UBE3B: variants seen among roughly 807,000 people sequenced by gnomAD.
The protein encoded by UBE3B is ubiquitin protein ligase E3B.
UBE3B carries 80 observed loss-of-function variants against 132.3 expected under a neutral mutation model. The observed-to-expected ratio is 0.60, with a 90% CI of 0.50 to 0.73. The LOEUF (loss-of-function observed/expected upper bound fraction) is 0.73. Among genes scored for constraint, UBE3B ranks in the 30% least tolerant of loss-of-function variants. The pLI is 0.00. For missense variants in UBE3B, 1,196 were observed against 1,362.5 expected (o/e 0.88, Z 1.92); for synonymous variants, 487 against 520.4 (o/e 0.94, Z 0.87).
At chr12:109,487,044 C>T (rs1876622248) in intron 6 of UBE3B, among the ~76,000 whole-genome samples, 2 of 152,150 alleles carry the variant, frequency 1.3e-5, no homozygotes, top group Admixed American at 1.3e-4. Flanking sequence ...ATCCCTGCTC[C>T]CTTTTGGGGT....
chr12:109,505,986 C>T (rs907499485), intron 14 of UBE3B, among the ~76,000 whole-genome samples: 2 of 152,232 alleles, frequency 1.3e-5, no homozygotes, highest in South Asian at 4.1e-4. Context: ...TCAGATCCAG[C>T]CTTTCTAAGT....
At chr12:109,539,459 G>T (rs1038444097), downstream of UBE3B, among the ~76,000 whole-genome samples, 7 of 152,206 alleles carry the variant, frequency 4.6e-5, no homozygotes, top group Non-Finnish European at 7.3e-5. Flanking sequence ...CTGCCGCTGG[G>T]TGCAAACCCC....
chr12:109,528,302 C>T (rs1882575309), intron 24 of UBE3B: 1 of 983,822 alleles, frequency 1.0e-6, no homozygotes, highest in Non-Finnish European at 1.2e-6. Context: ...CTCACCTCCT[C>T]CCTTCCTCTC....
intron 9 of UBE3B, among the ~76,000 whole-genome samples, chr12:109,492,924 C>T (rs1877683054): frequency 6.6e-6 from 1 of 152,154 alleles, no homozygotes; most frequent in Non-Finnish European, 1.5e-5. Flanking sequence ...ACTTAGAGCA[C>T]ATCTGAATTT....
In UBE3B at chr12:109,521,124, G is replaced by A; in HGVS notation, c.2077-24G>A. Reference sequence around the variant, plus strand: ...TGCATAAGGCTTTGGGCTTCCTAATGGGCTGTAATTCTGCTCTTGGCAGGA... The same window carrying A: ...TGCATAAGGCTTTGGGCTTCCTAATAGGCTGTAATTCTGCTCTTGGCAGGA... On this transcript the variant is annotated intron_variant, in intron 19 of 27. Transcript: ENST00000342494. This position sits in a 1 kb window ranked among gnomAD's most constrained non-coding sequence, Gnocchi z 4.2. The A allele has an allele frequency of 1.2e-6, 2 of 1,612,120 alleles. No homozygotes were observed. Among genetic ancestry groups the A allele is most frequent in the Non-Finnish European group, 1.7e-6 (2 of 1,178,474 alleles).
intron 26 of UBE3B, among the ~76,000 whole-genome samples, chr12:109,532,405 A>T (rs561381534): frequency 6.6e-6 from 1 of 152,152 alleles, no homozygotes; most frequent in African/African-American, 2.4e-5. Flanking sequence ...ACTTTTTTTG[A>T]TGCCCGACAC....
At chr12:109,540,779 G>A (rs1030675410), downstream of UBE3B, among the ~76,000 whole-genome samples, 2 of 152,238 alleles carry the variant, frequency 1.3e-5, no homozygotes, top group Non-Finnish European at 2.9e-5. Context: ...CTTATGCTGG[G>A]GAGGGACAAG....
rs1469215401 is a variant in UBE3B at position 109,507,592 on chromosome 12, C to A, written c.1479C>A (p.Pro493=). Residue 493 remains proline (P), a synonymous_variant, in exon 15 of 28, where the codon CCC becomes CCA. Transcript: ENST00000342494. ...TGLTYLDDLL[P]KLWAFICELG... ...TCACTTACCTTGATGACCTGCTTCCCAAACTGTGGGCATTTATCTGTGAGC... is the reference window on the plus strand; with the variant it reads ...TCACTTACCTTGATGACCTGCTTCCAAAACTGTGGGCATTTATCTGTGAGC... 1 of 1,613,954 alleles carries A rather than the reference C, an allele frequency of 6.2e-7. No individual in the cohort carries two copies. Among genetic ancestry groups the A allele is most frequent in the Non-Finnish European group, 8.5e-7 (1 of 1,179,964 alleles).
At chr12:109,506,984 A>G (rs1190524843) in intron 14 of UBE3B, among the ~76,000 whole-genome samples, 2 of 152,166 alleles carry the variant, frequency 1.3e-5, no homozygotes, top group African/African-American at 2.4e-5. Context: ...TTGCCCCTAA[A>G]TGTTGCCTGC....
intron 6 of UBE3B, 101 bp downstream of exon 6, chr12:109,486,676 C>T (rs956405531): frequency 2.0e-5 from 19 of 956,216 alleles, no homozygotes; most frequent in African/African-American, 1.8e-4. Flanking sequence ...TCACTATCAA[C>T]GAGAGTTGCT....
rs542855045 is a variant in UBE3B at position 109,501,294 on chromosome 12, A to G, written c.1119-77A>G. ...TAGCTACAGCTCCGAGTGGAAGGCC[A>G]TTAGGAACTGTGTGGGCTGGCCCTG... is the stretch of plus-strand genomic sequence containing the variant. On this transcript the variant is annotated intron_variant, in intron 12 of 27. Transcript: ENST00000342494. The G allele has an allele frequency of 3.8e-6, 6 of 1,577,880 alleles. No individual in the cohort carries two copies. In the African/African-American group the frequency reaches 6.8e-5, roughly 18 times the overall value.
chr12:109,513,965 G>A (rs1410611098), intron 18 of UBE3B, among the ~76,000 whole-genome samples: 2 of 152,182 alleles, frequency 1.3e-5, no homozygotes, highest in Admixed American at 6.5e-5. Context: ...GTACACAGGA[G>A]GGTAATAGGC....
intron 18 of UBE3B, among the ~76,000 whole-genome samples, chr12:109,513,456 A>G (rs1282488483): frequency 2.0e-5 from 3 of 152,214 alleles, no homozygotes; most frequent in Non-Finnish European, 4.4e-5. Context: ...CAAAATAAAA[A>G]TATTTTATAT....
chr12:109,511,062 A>G (rs1456361893), intron 17 of UBE3B, 142 bp from the exon 18 acceptor site: 8 of 688,912 alleles, frequency 1.2e-5, no homozygotes, highest in Non-Finnish European at 7.5e-6. Flanking sequence ...ACATGTATGA[A>G]TGAGTATGGT....
At chr12:109,529,161 A>T (rs1408815951) in intron 24 of UBE3B, among the ~76,000 whole-genome samples, 1 of 152,240 alleles carries the variant, frequency 6.6e-6, no homozygotes, top group Non-Finnish European at 1.5e-5. Context: ...ACTCTGTCTC[A>T]AAACATAAAT....
intron 18 of UBE3B, among the ~76,000 whole-genome samples, 179 bp from the exon 19 acceptor site, chr12:109,516,586 C>T (rs180670925): frequency 2.6e-5 from 4 of 152,270 alleles, no homozygotes; most frequent in Non-Finnish European, 1.5e-5. Context: ...CTAATTCCCA[C>T]AAGTGTTCCA....
chr12:109,534,792 C>T lies in UBE3B; in HGVS notation c.*10C>T. On this transcript the variant is annotated 3_prime_UTR_variant, in exon 28 of 28. Coordinates refer to ENST00000342494, the MANE Select transcript of UBE3B (RefSeq NM_130466.4). This position sits in a 1 kb window ranked among gnomAD's most constrained non-coding sequence, Gnocchi z 5.2. ...CTTTGAACTCTCCTAGCTCCTGTCC[C>T]AGCCCTGCCTCCAGGGCTCCTGGGC... The T allele has an allele frequency of 6.7e-7, 1 of 1,496,426 alleles. No homozygotes were observed. The highest frequency in any genetic ancestry group is 8.9e-7 in the Non-Finnish European group (1 of 1,120,978). The allele number at this position is 1,496,426 out of a possible 1,614,324, so 92.7% of individuals were successfully genotyped here.
intron 2 of UBE3B, 135 bp from the exon 3 acceptor site, chr12:109,483,396 C>A: frequency 1.2e-6 from 1 of 806,614 alleles, no homozygotes; most frequent in Non-Finnish European, 1.8e-6. Context: ...GAGCTGTTAG[C>A]GCTTTGGAGG....
intron 13 of UBE3B, 69 bp downstream of exon 13, chr12:109,501,603 T>C: frequency 1.3e-6 from 2 of 1,536,104 alleles, no homozygotes; most frequent in Non-Finnish European, 1.8e-6. Context: ...TTTCTTCCTA[T>C]ATGGATGTTC....
Sources: allele counts gnomAD v4.1 joint callset (sites outside exome capture counted in the v4.1 genomes callset), GRCh38; gene constraint gnomAD v4.1.1; non-coding constraint Gnocchi (gnomAD v3.1); transcripts MANE v1.5; gene names NCBI Gene and HGNC (gene_info 2026-07-23, HGNC 2026-07-21).